Variants in SRPK2 observed in about 807,000 individuals in gnomAD.
SRPK2 encodes the protein SRSF protein kinase 2.
Under a neutral mutation model 90.8 loss-of-function variants are expected in SRPK2, and 21 were observed. The observed-to-expected ratio is 0.23, with a 90% CI of 0.16 to 0.33. The LOEUF is 0.33. SRPK2 is among the 10% of genes least tolerant of loss of function. The pLI is 1.00. For synonymous variants in SRPK2, 288 were observed against 311.1 expected (o/e 0.93, Z 0.78); for missense variants, 620 against 869.0 (o/e 0.71, Z 3.60).
At chr7:105,149,416 CCTT>C (rs1336268170) in intron 7 of SRPK2, among the ~76,000 whole-genome samples, 1 of 152,156 alleles carries the variant, frequency 6.6e-6, no homozygotes, top group Non-Finnish European at 1.5e-5. Context: ...TTGTTGCTGA[CCTT>C]CTCCTTATTA....
In SRPK2 at chr7:105,312,819, T is replaced by C. The variant is rs147117130; in HGVS notation, c.71+75829A>G. On this transcript the variant is annotated intron_variant, in intron 2 of 15. Transcript: ENST00000393651. ...GATATGGGAATATTTATCTTTTCTG[T>C]AGAAATGAGGTCTCACTATGTTCCC... Among the ~76,000 whole-genome samples the C allele has an allele frequency of 8.7e-4, 133 of 152,322 alleles. No homozygotes were observed. The East Asian group carries it at 0.02, about 23-fold the overall frequency.
chr7:105,209,955 T>C (rs1796658202), intron 2 of SRPK2, among the ~76,000 whole-genome samples: 1 of 152,188 alleles, frequency 6.6e-6, no homozygotes, highest in Non-Finnish European at 1.5e-5. Flanking sequence ...ACTATAATAC[T>C]AAAATTATCA....
At chr7:105,326,789 C>T (rs1004244024) in intron 2 of SRPK2, among the ~76,000 whole-genome samples, 3 of 152,148 alleles carry the variant, frequency 2.0e-5, no homozygotes, top group African/African-American at 4.8e-5. Context: ...TGGCCGGGCG[C>T]GGTGGCTCAC....
chr7:105,334,166 C>T (rs1814779793), intron 2 of SRPK2, among the ~76,000 whole-genome samples: 1 of 152,212 alleles, frequency 6.6e-6, no homozygotes, highest in Non-Finnish European at 1.5e-5. Flanking sequence ...ACCATAACCT[C>T]CATCTACTGG....
Position 105,297,454 on chromosome 7 carries a change from T to G in SRPK2, c.71+91194A>C, listed in dbSNP as rs192051418. 6 of 985,250 alleles carry G rather than the reference T, an allele frequency of 6.1e-6. No individual in the cohort carries two copies. In the Admixed American group the frequency reaches 2.5e-4, roughly 40 times the overall value. 61.0% of individuals were successfully genotyped at this position (985,250 alleles called of 1,614,324 possible). A position where few individuals can be genotyped will look rare whatever the true frequency, so the allele number is the denominator to read the frequency against. On this transcript the variant is annotated intron_variant, in intron 2 of 15. Transcript: ENST00000393651. ...ACATTTGCATATTTTTCAAAACACA[T>G]TGGCTTTCCCTGATATGGTGGCCAT...
At chr7:105,330,267 G>A (rs1164895280) in intron 2 of SRPK2, among the ~76,000 whole-genome samples, 1 of 151,930 alleles carries the variant, frequency 6.6e-6, no homozygotes, top group Non-Finnish European at 1.5e-5. Context: ...AACCCAGGAG[G>A]TGGAGCTTGC....
At chr7:105,191,813 A>T (rs4730072) in intron 3 of SRPK2, among the ~76,000 whole-genome samples, 45,480 of 151,348 alleles carry the variant, frequency 0.3, 7,124 homozygotes, top group Non-Finnish European at 0.34. Flanking sequence ...GCTTCCTTAA[A>T]TATAGCACTT....
intron 3 of SRPK2, among the ~76,000 whole-genome samples, chr7:105,176,725 GTATGTA>G (rs745453138): frequency 7.0e-4 from 43 of 61,638 alleles, no homozygotes; most frequent in African/African-American, 2.4e-3. Context: ...GTGTGTGTGT[GTATGTA>G]TGTATGTATG....
intron 7 of SRPK2, among the ~76,000 whole-genome samples, chr7:105,154,578 G>C (rs1311420329): frequency 2.6e-5 from 4 of 152,182 alleles, no homozygotes; most frequent in African/African-American, 9.7e-5. Flanking sequence ...CGGCATACTA[G>C]AGGGTTGCAC....
chr7:105,197,075 G>C (rs1462280078), intron 3 of SRPK2, among the ~76,000 whole-genome samples: 1 of 151,742 alleles, frequency 6.6e-6, no homozygotes, highest in Admixed American at 6.6e-5. Context: ...ATAAATCAAA[G>C]TCATAGACTC....
At chr7:105,308,714 G>A (rs1811393751) in intron 2 of SRPK2, among the ~76,000 whole-genome samples, 1 of 152,196 alleles carries the variant, frequency 6.6e-6, no homozygotes. Context: ...AGAGAGCTAT[G>A]AGACTATTTT....
At chr7:105,329,105 C>T (rs1813961206) in intron 2 of SRPK2, among the ~76,000 whole-genome samples, 1 of 152,136 alleles carries the variant, frequency 6.6e-6, no homozygotes, top group South Asian at 2.1e-4. Context: ...TTACATATTA[C>T]TGATCTATAG....
At chr7:105,123,303 G>A (rs1029464695) in intron 15 of SRPK2, among the ~76,000 whole-genome samples, 1 of 152,118 alleles carries the variant, frequency 6.6e-6, no homozygotes, top group East Asian at 1.9e-4. Flanking sequence ...GCAAGGAGAG[G>A]AGACAAATGA....
intron 11 of SRPK2, among the ~76,000 whole-genome samples, chr7:105,136,316 T>C (rs973265878): frequency 2.0e-5 from 3 of 152,198 alleles, no homozygotes; most frequent in African/African-American, 7.2e-5. Context: ...ACCAGACTGC[T>C]ACATTCCCAA....
At chr7:105,279,074 C>T (rs1430494131) in intron 2 of SRPK2, among the ~76,000 whole-genome samples, 1 of 152,164 alleles carries the variant, frequency 6.6e-6, no homozygotes, top group Non-Finnish European at 1.5e-5. Context: ...CTTCCTTAAA[C>T]GTAGCCTTTG....
At chr7:105,398,328 C>T (rs938636916) in intron 1 of SRPK2, among the ~76,000 whole-genome samples, 19 of 151,218 alleles carry the variant, frequency 1.3e-4, no homozygotes, top group African/African-American at 3.9e-4. Context: ...TGGAAAAAGA[C>T]GGGAAGTCAT....
intron 2 of SRPK2, among the ~76,000 whole-genome samples, chr7:105,376,566 G>C (rs1046624676): frequency 8.7e-5 from 13 of 148,826 alleles, no homozygotes; most frequent in African/African-American, 3.2e-4. Flanking sequence ...AGGGTATAGA[G>C]TCTCACTCTG....
intron 2 of SRPK2, among the ~76,000 whole-genome samples, chr7:105,286,414 T>G (rs1320211212): frequency 6.6e-6 from 1 of 152,210 alleles, no homozygotes; most frequent in Non-Finnish European, 1.5e-5. Context: ...ATTAACATAT[T>G]AACTGTCCAT....
At chr7:105,147,673 T>C (rs964921201) in intron 7 of SRPK2, among the ~76,000 whole-genome samples, 2 of 152,174 alleles carry the variant, frequency 1.3e-5, no homozygotes, top group Non-Finnish European at 2.9e-5. Context: ...AAACAACATA[T>C]TCATCAGCAT....
Sources: gnomAD v4.1 joint callset for allele counts (sites outside exome capture counted in the v4.1 genomes callset) on GRCh38, gnomAD v4.1.1 for gene constraint, MANE v1.5 for transcripts, NCBI Gene and HGNC (gene_info 2026-07-23, HGNC 2026-07-21) for gene names.